Variants in FOCAD observed in about 807,000 individuals in gnomAD.
FOCAD encodes the protein KIAA1797.
In FOCAD, 198 loss-of-function variants were observed where a neutral mutation model predicts 225.6. The observed-to-expected ratio is 0.88, with a 90% CI of 0.78 to 0.99. The LOEUF (loss-of-function observed/expected upper bound fraction) is 0.99, where lower values mean the gene tolerates loss of function less well. Among genes scored for constraint, FOCAD ranks in the 50% least tolerant of loss-of-function variants. The probability of loss-of-function intolerance (pLI) is 0.00; values close to 1 mark genes in which losing one functional copy is unlikely to be tolerated. For synonymous variants in FOCAD, 897 were observed against 755.0 expected (o/e 1.19, Z -3.08); for missense variants, 2,713 against 2,123.6 (o/e 1.28, Z -5.46).
At position 20,866,732 on chromosome 9, in the gene FOCAD, C is replaced by G. The variant is rs147155983; in HGVS notation, c.2107-197C>G. 2.2e-3 allele frequency among the ~76,000 whole-genome samples: 337 copies of G among 151,744 alleles called. 3 individuals are homozygous for G. The highest frequency in any genetic ancestry group is 2.2e-3 in the Non-Finnish European group (147 of 67,836). On this transcript the variant is annotated intron_variant, in intron 17 of 43. Transcript: ENST00000338382. ...AAACGAGGATTAAATTTCTCGATCT[C>G]TCTTTTGAAATTGCTAGTAAATATC...
chr9:20,808,150 CAGG>C (rs1456847820), intron 11 of FOCAD, among the ~76,000 whole-genome samples: 1 of 152,100 alleles, frequency 6.6e-6, no homozygotes, highest in Non-Finnish European at 1.5e-5. Context: ...CGATTAAGAA[CAGG>C]AGTTTTTCAA....
intron 20 of FOCAD, among the ~76,000 whole-genome samples, chr9:20,883,617 G>T (rs1830861307): frequency 1.3e-5 from 2 of 152,178 alleles, no homozygotes; most frequent in Admixed American, 1.3e-4. Context: ...TCTCCAGTTG[G>T]CTGAAAATTG....
chr9:20,950,097 C>G (rs1361081832), intron 33 of FOCAD, among the ~76,000 whole-genome samples: 1 of 151,164 alleles, frequency 6.6e-6, no homozygotes, highest in Non-Finnish European at 1.5e-5. Flanking sequence ...AAAGAATAGA[C>G]ATATTAATCT....
At chr9:20,789,192 C>T (rs972216157) in intron 10 of FOCAD, 159 bp from the exon 11 acceptor site, 2 of 758,490 alleles carry the variant, frequency 2.6e-6, no homozygotes, top group Non-Finnish European at 4.2e-6. Flanking sequence ...ATCCTATTAC[C>T]TCAAATATGT....
chr9:20,739,517 C>T lies in FOCAD; in HGVS notation c.288-719C>T, dbSNP rs550642917. On this transcript the variant is annotated intron_variant, in intron 4 of 43. Coordinates refer to ENST00000338382, the MANE Select transcript of FOCAD (RefSeq NM_001375567.1). Reference sequence around the variant, plus strand: ...ACTTGGGAGGTTGAGGCAGGAGAATCAGTTGAACCCAGGAGATGGAGGTTG... The same window carrying T: ...ACTTGGGAGGTTGAGGCAGGAGAATTAGTTGAACCCAGGAGATGGAGGTTG... Among the ~76,000 whole-genome samples the T allele has an allele frequency of 8.6e-5, 13 of 151,686 alleles. No homozygotes were observed. The East Asian group carries it at 2.5e-3, about 29-fold the overall frequency.
intron 1 of FOCAD, among the ~76,000 whole-genome samples, chr9:20,711,295 G>A (rs1206970702): frequency 1.3e-5 from 2 of 152,194 alleles, no homozygotes; most frequent in African/African-American, 4.8e-5. Context: ...TTTGGAAACT[G>A]TTTTAGCTAG....
chr9:20,736,796 T>A (rs1356148453), intron 4 of FOCAD, among the ~76,000 whole-genome samples: 1 of 152,112 alleles, frequency 6.6e-6, no homozygotes, highest in Non-Finnish European at 1.5e-5. Flanking sequence ...GACGAGGATG[T>A]TGAGACCCCT....
rs539231126 is a variant in FOCAD at position 20,679,121 on chromosome 9, ATGTGTGTGTG to A, written c.-77-15357_-77-15348del. 2.1e-3 allele frequency among the ~76,000 whole-genome samples: 257 copies of A among 122,030 alleles called. 1 individual carries two copies. Among genetic ancestry groups the A allele is most frequent in the African/African-American group, 5.0e-3 (166 of 32,898 alleles). 80.1% of individuals were successfully genotyped at this position (122,030 alleles called of 152,430 possible). On this transcript the variant is annotated intron_variant, in intron 2 of 45. Coordinates refer to the FOCAD transcript ENST00000380249. ...CAAAGGGGCAACAGACAGTCTGTGTATGTGTGTGTGTGTGTGTGTGTGTGTGTGTGTGTGT... is the reference window on the plus strand; with the variant it reads ...CAAAGGGGCAACAGACAGTCTGTGTATGTGTGTGTGTGTGTGTGTGTGTGT...
intron 4 of FOCAD, among the ~76,000 whole-genome samples, chr9:20,735,329 A>AT (rs147433257): frequency 0.089 from 13,582 of 151,888 alleles, 733 homozygotes; most frequent in Middle Eastern, 0.16. Context: ...TATTTTTTAC[A>AT]TTTTTTCTCC....
At chr9:20,856,599 A>T (rs1828208642) in intron 15 of FOCAD, among the ~76,000 whole-genome samples, 1 of 151,660 alleles carries the variant, frequency 6.6e-6, no homozygotes, top group South Asian at 2.1e-4. Context: ...TTGATGTGTG[A>T]TCCTGTTTGT....
chr9:20,956,595 G>A (rs774028121), intron 35 of FOCAD, among the ~76,000 whole-genome samples: 1 of 152,068 alleles, frequency 6.6e-6, no homozygotes, highest in Non-Finnish European at 1.5e-5. Flanking sequence ...GACATAACTA[G>A]CACCCATGTC....
chr9:20,789,739 T>A, intron 11 of FOCAD, 131 bp downstream of exon 11: 1 of 1,048,824 alleles, frequency 9.5e-7, no homozygotes, highest in Non-Finnish European at 1.4e-6. Flanking sequence ...TTTTTTTTGC[T>A]ATCTTTATCC....
At chr9:20,863,992 A>G (rs1829011784) in intron 16 of FOCAD, among the ~76,000 whole-genome samples, 1 of 151,616 alleles carries the variant, frequency 6.6e-6, no homozygotes, top group Admixed American at 6.6e-5. Context: ...GGTATCTTAT[A>G]CTAGGGTTCC....
intron 12 of FOCAD, 25 bp downstream of exon 12, chr9:20,819,925 G>A: frequency 7.4e-7 from 1 of 1,356,524 alleles, no homozygotes; most frequent in South Asian, 1.4e-5. Context: ...TAATTTAGTT[G>A]GCGAAAAAAG....
chr9:20,855,658 CTG>C (rs1311721047), intron 15 of FOCAD, among the ~76,000 whole-genome samples: 1 of 151,556 alleles, frequency 6.6e-6, no homozygotes, highest in Non-Finnish European at 1.5e-5. Flanking sequence ...TTATTGTTAA[CTG>C]TTGTCACTCT....
chr9:20,739,280 C>T (rs1176258675), intron 4 of FOCAD, among the ~76,000 whole-genome samples: 1 of 152,180 alleles, frequency 6.6e-6, no homozygotes, highest in Non-Finnish European at 1.5e-5. Context: ...TGGTAATGCT[C>T]AATAAATGTT....
At chr9:20,852,238 T>C (rs1165035915) in intron 15 of FOCAD, among the ~76,000 whole-genome samples, 2 of 151,766 alleles carry the variant, frequency 1.3e-5, no homozygotes, top group Non-Finnish European at 2.9e-5. Context: ...TACTAAAAAG[T>C]TTCCTTTTTC....
intron 6 of FOCAD, 49 bp downstream of exon 6, chr9:20,758,240 T>C: frequency 3.0e-6 from 4 of 1,339,894 alleles, no homozygotes; most frequent in Non-Finnish European, 4.1e-6. Context: ...CAGAATGGTA[T>C]ATGCTAATTT....
In FOCAD at chr9:20,820,210, C is replaced by T. The variant is rs1008912872; in HGVS notation, c.1561-114C>T. 8.5e-6 allele frequency: 6 copies of T among 708,838 alleles called. No individual in the cohort carries two copies. The African/African-American group carries it at 1.1e-4, about 13-fold the overall frequency. 43.9% of individuals were successfully genotyped at this position (708,838 alleles called of 1,614,324 possible). A position where few individuals can be genotyped will look rare whatever the true frequency, so the allele number is the denominator to read the frequency against. On this transcript the variant is annotated intron_variant, in intron 12 of 43. Coordinates refer to ENST00000338382, the MANE Select transcript of FOCAD (RefSeq NM_001375567.1). The stretch of plus-strand genomic sequence containing the variant: ...TCTAAGAAGGTGGGTAATATTGCAG[C>T]AAGCTTTCTTCTCAGTCTTCATTTT...
Sources: gnomAD v4.1 joint callset for allele counts (sites outside exome capture counted in the v4.1 genomes callset) on GRCh38, gnomAD v4.1.1 for gene constraint, MANE v1.5 for transcripts, NCBI Gene and HGNC (gene_info 2026-07-23, HGNC 2026-07-21) for gene names.